The following SOX5 variants were observed in gnomAD, a reference collection of about 807,000 sequenced individuals.
SOX5 encodes the protein SRY-box transcription factor 5, also known as transcription factor SOX-5.
Under a neutral mutation model 92.0 loss-of-function variants are expected in SOX5, and 9 were observed. The ratio of observed to expected loss-of-function variants is 0.10; its 90% CI spans 0.06 to 0.17. SOX5 has a LOEUF of 0.17. SOX5 is among the 10% of genes least tolerant of loss of function. The probability of loss-of-function intolerance (pLI) is 1.00; values close to 1 mark genes in which losing one functional copy is unlikely to be tolerated. For synonymous variants in SOX5, 344 were observed against 336.3 expected (o/e 1.02, Z -0.25); for missense variants, 642 against 944.5 (o/e 0.68, Z 4.20).
At chr12:24,396,730 A>C (rs1452560822) in intron 1 of SOX5, among the ~76,000 whole-genome samples, 3 of 152,242 alleles carry the variant, frequency 2.0e-5, no homozygotes, top group Non-Finnish European at 2.9e-5. Flanking sequence ...GTGTTAAAAA[A>C]GCGTTAACTA....
chr12:24,383,891 C>G (rs1165105777), intron 1 of SOX5, among the ~76,000 whole-genome samples: 1 of 152,094 alleles, frequency 6.6e-6, no homozygotes, highest in Non-Finnish European at 1.5e-5. Context: ...CTCCCATAAT[C>G]CCTAAGTGTT....
chr12:23,579,063 G>A (rs973344523), intron 9 of SOX5, among the ~76,000 whole-genome samples: 2 of 152,172 alleles, frequency 1.3e-5, no homozygotes, highest in African/African-American at 4.8e-5. Flanking sequence ...TATAGTGAGG[G>A]GGGAATGGCG....
At chr12:24,126,117 T>C (rs1426213459) in intron 4 of SOX5, among the ~76,000 whole-genome samples, 1 of 152,158 alleles carries the variant, frequency 6.6e-6, no homozygotes, top group Non-Finnish European at 1.5e-5. Flanking sequence ...CCTCAGCCCA[T>C]ACCTTGAATA....
At chr12:24,391,158 C>T (rs1257024770) in intron 1 of SOX5, among the ~76,000 whole-genome samples, 2 of 152,054 alleles carry the variant, frequency 1.3e-5, no homozygotes, top group African/African-American at 4.8e-5. Context: ...TTTTAATTTG[C>T]ATTTCTCTGA....
chr12:24,251,056 A>G (rs1273798758), intron 3 of SOX5, among the ~76,000 whole-genome samples: 4 of 152,240 alleles, frequency 2.6e-5, no homozygotes, highest in Admixed American at 2.0e-4. Flanking sequence ...GAGTTGGCAA[A>G]TATGTTATTC....
chr12:24,104,436 A>G (rs1164794879), intron 4 of SOX5, among the ~76,000 whole-genome samples: 2 of 152,224 alleles, frequency 1.3e-5, no homozygotes, highest in Non-Finnish European at 2.9e-5. Context: ...ATAAGATACC[A>G]TATCAATCTG....
At chr12:24,217,242 G>C (rs1466013983) in intron 3 of SOX5, among the ~76,000 whole-genome samples, 2 of 152,168 alleles carry the variant, frequency 1.3e-5, no homozygotes, top group Admixed American at 1.3e-4. Flanking sequence ...GTAGCTTGGA[G>C]ACCCCACTTG....
intron 3 of SOX5, among the ~76,000 whole-genome samples, chr12:24,258,383 C>T (rs1285845833): frequency 6.6e-6 from 1 of 152,180 alleles, no homozygotes; most frequent in Non-Finnish European, 1.5e-5. Flanking sequence ...CGACATCATG[C>T]ATAAAGAAAG....
chr12:23,669,185 T>C (rs1458167442), intron 6 of SOX5, among the ~76,000 whole-genome samples: 1 of 152,108 alleles, frequency 6.6e-6, no homozygotes, highest in Non-Finnish European at 1.5e-5. Context: ...TATAATGTAC[T>C]ACTGTTAATT....
intron 1 of SOX5, among the ~76,000 whole-genome samples, chr12:24,494,904 C>T (rs1261840424): frequency 6.6e-6 from 1 of 152,008 alleles, no homozygotes; most frequent in Non-Finnish European, 1.5e-5. Context: ...AAAATATAGA[C>T]AACTGGGGTG....
chr12:23,852,181 CT>C (rs1159745654), intron 2 of SOX5, among the ~76,000 whole-genome samples: 1 of 151,976 alleles, frequency 6.6e-6, no homozygotes, highest in South Asian at 2.1e-4. Context: ...CATCTGCAAC[CT>C]TTTTTCTCTA....
At chr12:24,228,317 G>T (rs969219201) in intron 3 of SOX5, among the ~76,000 whole-genome samples, 1 of 151,990 alleles carries the variant, frequency 6.6e-6, no homozygotes, top group African/African-American at 2.4e-5. Flanking sequence ...AACAGAGCAG[G>T]TTAAAAAAAT....
At chr12:23,872,253 C>A (rs2096883069) in intron 2 of SOX5, among the ~76,000 whole-genome samples, 1 of 147,946 alleles carries the variant, frequency 6.8e-6, no homozygotes. Context: ...ACCTCGTGAT[C>A]CGCCCGCCTC....
chr12:24,400,124 G>C (rs1044725068), intron 1 of SOX5, among the ~76,000 whole-genome samples: 2 of 152,140 alleles, frequency 1.3e-5, no homozygotes, highest in African/African-American at 4.8e-5. Context: ...AGTAACTCAA[G>C]TTTTAATAGA....
chr12:23,910,172 A>G (rs1474237448), intron 1 of SOX5, among the ~76,000 whole-genome samples: 1 of 152,192 alleles, frequency 6.6e-6, no homozygotes, highest in Non-Finnish European at 1.5e-5. Context: ...AAAATGATAC[A>G]TGCCTTAAAA....
chr12:24,187,804 T>C (rs916231727), intron 4 of SOX5, among the ~76,000 whole-genome samples: 2 of 152,190 alleles, frequency 1.3e-5, no homozygotes, highest in African/African-American at 4.8e-5. Flanking sequence ...CAGTCATTCG[T>C]CCAAAATTCA....
At chr12:24,548,015 G>C (rs1210292531) in intron 1 of SOX5, among the ~76,000 whole-genome samples, 1 of 152,196 alleles carries the variant, frequency 6.6e-6, no homozygotes, top group Non-Finnish European at 1.5e-5. Context: ...ATTGTATGCT[G>C]AGATTCATTA....
intron 2 of SOX5, among the ~76,000 whole-genome samples, chr12:24,298,775 A>G (rs1367182694): frequency 8.5e-6 from 1 of 118,282 alleles, no homozygotes; most frequent in East Asian, 2.4e-4. Flanking sequence ...TTCTGATCCC[A>G]GAGTAGTCAA....
chr12:23,967,186 A>G (rs1569306883), intron 4 of SOX5, among the ~76,000 whole-genome samples: 1 of 152,142 alleles, frequency 6.6e-6, no homozygotes, highest in Admixed American at 6.5e-5. Context: ...CACACACAGT[A>G]AGGAAATGAA....
Sources: gnomAD v4.1 joint callset for allele counts (sites outside exome capture counted in the v4.1 genomes callset) on GRCh38, gnomAD v4.1.1 for gene constraint, MANE v1.5 for transcripts, NCBI Gene and HGNC (gene_info 2026-07-23, HGNC 2026-07-21) for gene names.